Variants in LRRC7 observed in about 807,000 individuals in gnomAD.
LRRC7 encodes leucine rich repeat containing 7.
LRRC7 carries 23 observed loss-of-function variants against 175.7 expected under a neutral mutation model. That is an observed-to-expected ratio of 0.13 (90% confidence interval 0.09 to 0.19). The LOEUF (loss-of-function observed/expected upper bound fraction) is 0.19, where lower values mean the gene tolerates loss of function less well. Among genes scored for constraint, LRRC7 ranks in the 10% least tolerant of loss-of-function variants. The pLI is 1.00. For missense variants in LRRC7, 1,354 were observed against 1,904.7 expected, an observed-to-expected ratio of 0.71 and a Z score of 5.38; for synonymous variants, 685 against 680.9, an observed-to-expected ratio of 1.01 and a Z score of -0.09.
chr1:69,741,149 A>C (rs1668665101), intron 2 of LRRC7, among the ~76,000 whole-genome samples: 1 of 151,994 alleles, frequency 6.6e-6, no homozygotes, highest in African/African-American at 2.4e-5. Context: ...GAGCTCACTG[A>C]GCTATGCAGG....
intron 4 of LRRC7, 112 bp downstream of exon 4, chr1:69,792,272 ACTG>A: frequency 1.5e-6 from 1 of 675,830 alleles, no homozygotes; most frequent in Non-Finnish European, 2.5e-6. Flanking sequence ...TTTTGTTGCA[ACTG>A]TAGTTTAATG....
chr1:69,600,756 G>T (rs1647021085), intron 1 of LRRC7, among the ~76,000 whole-genome samples: 1 of 127,712 alleles, frequency 7.8e-6, no homozygotes, highest in South Asian at 2.6e-4. Context: ...TTTATTTTCT[G>T]CTCCAATTTT....
rs557544208 is a variant in LRRC7 at position 70,140,284 on chromosome 1, C to T, written c.*18397C>T. ...TCATCAGGAGTGGAATTAGATTTTA[C>T]AAAGTTCCCCTTATCCAAACTACAG... On this transcript the variant is annotated 3_prime_UTR_variant, in exon 27 of 27. Transcript: ENST00000651989. 16 of 152,180 alleles carry T rather than the reference C, an allele frequency of 1.1e-4. No individual in the cohort carries two copies. Among genetic ancestry groups the T allele is most frequent in the Admixed American group, 3.3e-4 (5 of 15,284 alleles). 9.4% of individuals were successfully genotyped at this position (152,180 alleles called of 1,614,324 possible). A position where few individuals can be genotyped will look rare whatever the true frequency, so the allele number is the denominator to read the frequency against.
At chr1:69,848,630 T>C (rs1682630949) in intron 7 of LRRC7, among the ~76,000 whole-genome samples, 1 of 152,070 alleles carries the variant, frequency 6.6e-6, no homozygotes, top group Non-Finnish European at 1.5e-5. Context: ...TCTCCATAGA[T>C]TTTCTGCTTT....
chr1:70,096,127 G>A lies in LRRC7; in HGVS notation c.4545+6308G>A, dbSNP rs565442584. Among the ~76,000 whole-genome samples, 3 of 152,054 alleles carry A rather than the reference G, an allele frequency of 2.0e-5. No individual in the cohort carries two copies. In the South Asian group the frequency reaches 6.2e-4, roughly 32 times the overall value. ...CGAGTAGCTGGGACTACAGGCACCC[G>A]CCACCACGCCCAGCTAATTTTTGTA... On this transcript the variant is annotated intron_variant, in intron 25 of 26. Coordinates refer to ENST00000651989, the MANE Select transcript of LRRC7 (RefSeq NM_001370785.2).
At chr1:69,939,029 A>G (rs1458979509) in intron 8 of LRRC7, among the ~76,000 whole-genome samples, 3 of 121,364 alleles carry the variant, frequency 2.5e-5, no homozygotes. Context: ...ATATATATAT[A>G]TCTATATATA....
rs752501670 is a variant in LRRC7, at chr1:70,039,214, T to A, written c.3390T>A (p.Ser1130=). 4.1e-5 allele frequency: 66 copies of A among 1,613,976 alleles called. No homozygotes were observed. The highest frequency in any genetic ancestry group is 3.3e-4 in the Middle Eastern group (2 of 6,082). ...AAATGTTTTCATTTTCTCAGCCATCTGTGAATGAGGATGCTGTGGTGAATG... is the reference window on the plus strand; with the variant it reads ...AAATGTTTTCATTTTCTCAGCCATCAGTGAATGAGGATGCTGTGGTGAATG... ...MEQMFSFSQP[S]VNEDAVVNAQ... Residue 1130 remains serine, a synonymous_variant, in exon 21 of 27, where the codon TCT becomes TCA. Coordinates refer to ENST00000651989, the MANE Select transcript of LRRC7 (RefSeq NM_001370785.2).
rs1659338986 is a variant in LRRC7 at position 70,036,580 on chromosome 1, G to A, written c.2244G>A (p.Gln748=). Residue 748 remains glutamine (Q), a synonymous_variant, in exon 20 of 27, where the codon CAG becomes CAA. Transcript: ENST00000651989. ...CCCGGGTTAAAGTGGGGTCCTTGCAGACAACAGCTAAAGATGCAGTACATA... is the reference window on the plus strand; with the variant it reads ...CCCGGGTTAAAGTGGGGTCCTTGCAAACAACAGCTAAAGATGCAGTACATA... ...SNTRVKVGSL[Q]TTAKDAVHNS... is the part of the protein sequence containing the mutation. 1 of 1,614,084 alleles carries A rather than the reference G, an allele frequency of 6.2e-7. No individual in the cohort carries two copies. The highest frequency in any genetic ancestry group is 2.2e-5 in the East Asian group (1 of 44,858).
chr1:69,990,832 T>TCTATTAATTAATTGATTAA (rs1654366724), intron 10 of LRRC7, among the ~76,000 whole-genome samples: 25 of 152,246 alleles, frequency 1.6e-4, no homozygotes, highest in Admixed American at 1.2e-3. Flanking sequence ...ATGTAATAGA[T>TCTATTAATTAATTGATTAA]TTAATTGATT....
chr1:70,092,764 C>G (rs1664123390), intron 25 of LRRC7, among the ~76,000 whole-genome samples: 1 of 152,028 alleles, frequency 6.6e-6, no homozygotes, highest in South Asian at 2.1e-4. Flanking sequence ...GAGATTGTTG[C>G]AGAAAAACAC....
At chr1:69,752,670 C>A (rs1203816587) in intron 2 of LRRC7, among the ~76,000 whole-genome samples, 1 of 152,094 alleles carries the variant, frequency 6.6e-6, no homozygotes, top group African/African-American at 2.4e-5. Flanking sequence ...ATGCGTTTGA[C>A]TCTGTGGGAG....
At chr1:69,912,231 C>A (rs1380624054) in intron 7 of LRRC7, among the ~76,000 whole-genome samples, 1 of 151,996 alleles carries the variant, frequency 6.6e-6, no homozygotes, top group Non-Finnish European at 1.5e-5. Context: ...AAAATATAGC[C>A]AGAAAACAAT....
chr1:69,596,674 G>C (rs1405824312), intron 1 of LRRC7, among the ~76,000 whole-genome samples: 1 of 152,192 alleles, frequency 6.6e-6, no homozygotes, highest in Non-Finnish European at 1.5e-5. Flanking sequence ...ACAAGATTTA[G>C]CTAAAAGCTA....
intron 25 of LRRC7, among the ~76,000 whole-genome samples, chr1:70,095,569 A>G (rs896836396): frequency 1.3e-5 from 2 of 152,202 alleles, no homozygotes; most frequent in South Asian, 2.1e-4. Context: ...ATTTATACCA[A>G]GCTTTTTTTA....
At chr1:69,925,119 T>C (rs1570677971) in intron 7 of LRRC7, among the ~76,000 whole-genome samples, 1 of 152,222 alleles carries the variant, frequency 6.6e-6, no homozygotes, top group African/African-American at 2.4e-5. Context: ...TTTGCATATA[T>C]TGAACTAGCC....
chr1:69,701,602 C>T (rs1344374540), intron 2 of LRRC7, among the ~76,000 whole-genome samples: 1 of 152,138 alleles, frequency 6.6e-6, no homozygotes, highest in Admixed American at 6.5e-5. Context: ...TTTATGAATT[C>T]GTGTTCCTTG....
At chr1:69,993,007 G>T (rs17131105) in intron 10 of LRRC7, among the ~76,000 whole-genome samples, 2 of 152,086 alleles carry the variant, frequency 1.3e-5, no homozygotes, top group Non-Finnish European at 2.9e-5. Context: ...CAGGACACTC[G>T]TCTGATCCAG....
At chr1:70,006,612 C>CCCTA (rs2101940090) in intron 11 of LRRC7, among the ~76,000 whole-genome samples, 2 of 152,224 alleles carry the variant, frequency 1.3e-5, no homozygotes, top group East Asian at 3.9e-4. Flanking sequence ...TCAGTGGATA[C>CCCTA]CAGCTGGGTG....
intron 4 of LRRC7, among the ~76,000 whole-genome samples, chr1:69,809,919 C>T (rs1677619203): frequency 6.6e-6 from 1 of 152,038 alleles, no homozygotes; most frequent in Non-Finnish European, 1.5e-5. Context: ...AAGTTCTGGC[C>T]AGGGCAATCA....
Sources: gnomAD v4.1 joint callset for allele counts (sites outside exome capture counted in the v4.1 genomes callset) on GRCh38, gnomAD v4.1.1 for gene constraint, MANE v1.5 for transcripts, NCBI Gene and HGNC (gene_info 2026-07-23, HGNC 2026-07-21) for gene names.